Variants in CDH13 observed in about 807,000 individuals in gnomAD.
The protein encoded by CDH13 is cadherin-13.
Under a neutral mutation model 63.8 loss-of-function variants are expected in CDH13, and 24 were observed. The observed-to-expected ratio is 0.38, with a 90% CI of 0.27 to 0.53. The LOEUF is 0.53. CDH13 is among the 20% of genes least tolerant of loss of function. The probability of loss-of-function intolerance (pLI) is 0.85; values close to 1 mark genes in which losing one functional copy is unlikely to be tolerated. For missense variants in CDH13, 1,049 were observed against 903.1 expected (o/e 1.16, Z -2.07); for synonymous variants, 503 against 355.3 (o/e 1.42, Z -4.67).
Position 83,670,977 on chromosome 16 carries a change from G to T in CDH13, c.1284+5G>T, listed in dbSNP as rs759665705. On this transcript the variant is annotated splice_donor_5th_base_variant and intron_variant, in intron 9 of 13. Coordinates refer to ENST00000567109, the MANE Select transcript of CDH13 (RefSeq NM_001257.5). ...GGGATGCTTTCTGTTGTCAAAGTAA[G>T]GGTGCTTCCAATTGCCTCTTTCTCC... 5.1e-6 allele frequency: 8 copies of T among 1,578,660 alleles called. No individual in the cohort carries two copies. In the East Asian group the frequency reaches 1.8e-4, roughly 36 times the overall value.
intron 7 of CDH13, among the ~76,000 whole-genome samples, chr16:83,515,394 C>G (rs2074677598): frequency 2.0e-5 from 3 of 152,192 alleles, no homozygotes. Flanking sequence ...GAAGAGTTAA[C>G]AAGCAATAAT....
At chr16:82,973,175 C>G (rs1003033982) in intron 2 of CDH13, among the ~76,000 whole-genome samples, 1 of 152,200 alleles carries the variant, frequency 6.6e-6, no homozygotes, top group African/African-American at 2.4e-5. Context: ...TTTCTCTTCC[C>G]TTCTACCAAC....
Position 83,447,810 on chromosome 16 carries a change from C to A in CDH13, c.782-38667C>A, listed in dbSNP as rs1051622078. On this transcript the variant is annotated intron_variant, in intron 6 of 13. Transcript: ENST00000567109. ...ATTTATAATGATTTATATTAAATAT[C>A]GACTGTTTGCCAGGCACCATAGTTA... Among the ~76,000 whole-genome samples, 13 of 150,380 alleles carry A rather than the reference C, an allele frequency of 8.6e-5. No individual in the cohort carries two copies. The East Asian group carries it at 2.1e-3, about 25-fold the overall frequency.
chr16:83,469,270 T>C (rs530089057), intron 6 of CDH13, among the ~76,000 whole-genome samples: 11 of 152,316 alleles, frequency 7.2e-5, no homozygotes, highest in South Asian at 2.1e-4. Flanking sequence ...TCCAGTCTTA[T>C]AGCAGGAGGA....
chr16:82,800,859 A>G (rs2036819931), intron 1 of CDH13, among the ~76,000 whole-genome samples: 1 of 152,230 alleles, frequency 6.6e-6, no homozygotes. Flanking sequence ...ATTTGTAGTC[A>G]GTATTCAATT....
At chr16:82,727,463 C>T (rs1419460919) in intron 1 of CDH13, 1 of 152,156 alleles carries the variant, frequency 6.6e-6, no homozygotes, top group Non-Finnish European at 1.5e-5. Flanking sequence ...CTCCTTATTC[C>T]CTCTCTACCC....
At chr16:83,169,355 T>A (rs2037824277) in intron 4 of CDH13, among the ~76,000 whole-genome samples, 1 of 151,982 alleles carries the variant, frequency 6.6e-6, no homozygotes, top group Non-Finnish European at 1.5e-5. Flanking sequence ...TTTTGTATTT[T>A]TAGTAGAGAC....
intron 1 of CDH13, among the ~76,000 whole-genome samples, chr16:82,811,762 CTA>C (rs2037456497): frequency 6.6e-6 from 1 of 152,050 alleles, no homozygotes; most frequent in Non-Finnish European, 1.5e-5. Context: ...TAGATAAACT[CTA>C]TGACAATTGG....
At chr16:83,339,719 G>C (rs1342567841) in intron 5 of CDH13, among the ~76,000 whole-genome samples, 1 of 151,996 alleles carries the variant, frequency 6.6e-6, no homozygotes, top group Non-Finnish European at 1.5e-5. Context: ...CCCACCTCCA[G>C]CAATTCTCCC....
intron 8 of CDH13, among the ~76,000 whole-genome samples, chr16:83,658,497 G>T (rs1307262035): frequency 1.2e-4 from 17 of 140,408 alleles, no homozygotes; most frequent in African/African-American, 4.6e-4. Flanking sequence ...ATCCTCACCA[G>T]CAAGGTCCCA....
chr16:82,971,791 G>T (rs1908787746), intron 2 of CDH13, among the ~76,000 whole-genome samples: 2 of 152,282 alleles, frequency 1.3e-5, no homozygotes, highest in South Asian at 4.2e-4. Flanking sequence ...CCCCTTAACT[G>T]CCTGTGCCCC....
At chr16:83,291,147 T>G (rs910940490) in intron 5 of CDH13, among the ~76,000 whole-genome samples, 1 of 152,232 alleles carries the variant, frequency 6.6e-6, no homozygotes, top group South Asian at 2.1e-4. Flanking sequence ...TCCTTCATGC[T>G]GATTATAGTG....
chr16:83,522,948 C>G (rs183146608), intron 7 of CDH13, among the ~76,000 whole-genome samples: 44 of 152,306 alleles, frequency 2.9e-4, no homozygotes, highest in African/African-American at 9.1e-4. Context: ...GACTCATGAC[C>G]TTAGCAGGTG....
intron 1 of CDH13, among the ~76,000 whole-genome samples, chr16:82,657,700 T>C (rs1328072631): frequency 1.3e-5 from 2 of 152,088 alleles, no homozygotes; most frequent in Admixed American, 6.6e-5. Flanking sequence ...ATGTAAATTG[T>C]ATTGTGTTTT....
chr16:83,448,752 C>G (rs2072787661), intron 6 of CDH13, among the ~76,000 whole-genome samples: 1 of 152,050 alleles, frequency 6.6e-6, no homozygotes, highest in South Asian at 2.1e-4. Flanking sequence ...GGAAGGTGAA[C>G]TTCAGTGGTG....
intron 1 of CDH13, among the ~76,000 whole-genome samples, 192 bp from the exon 2 acceptor site, chr16:82,858,170 C>T (rs1183976211): frequency 1.3e-5 from 2 of 152,172 alleles, no homozygotes; most frequent in Non-Finnish European, 2.9e-5. Context: ...GCAGCTGTTC[C>T]ATTTGCGTAT....
intron 3 of CDH13, among the ~76,000 whole-genome samples, chr16:83,085,299 C>G (rs2033516110): frequency 6.6e-6 from 1 of 152,118 alleles, no homozygotes; most frequent in African/African-American, 2.4e-5. Context: ...GAGAATAGCA[C>G]AGGAAAGACC....
chr16:83,617,244 C>G (rs1235484944), intron 8 of CDH13, among the ~76,000 whole-genome samples: 1 of 152,172 alleles, frequency 6.6e-6, no homozygotes, highest in Non-Finnish European at 1.5e-5. Flanking sequence ...GCAGCAAATA[C>G]TTATTACAGA....
intron 2 of CDH13, among the ~76,000 whole-genome samples, chr16:82,880,969 T>A (rs187066263): frequency 1.3e-5 from 2 of 152,352 alleles, no homozygotes; most frequent in Non-Finnish European, 2.9e-5. Flanking sequence ...TTTTAAAGCC[T>A]TTAGACATTA....
Sources: allele counts gnomAD v4.1 joint callset (sites outside exome capture counted in the v4.1 genomes callset), GRCh38; gene constraint gnomAD v4.1.1; transcripts MANE v1.5; gene names NCBI Gene and HGNC (gene_info 2026-07-23, HGNC 2026-07-21).